Variants in RAB3GAP2 observed in about 807,000 individuals in gnomAD.
RAB3GAP2 encodes the protein rab3 GTPase-activating protein non-catalytic subunit.
In RAB3GAP2, 87 loss-of-function variants were observed where a neutral mutation model predicts 185.3. That is an observed-to-expected ratio of 0.47 (90% confidence interval 0.39 to 0.56). The LOEUF (loss-of-function observed/expected upper bound fraction) is 0.56. RAB3GAP2 is among the 20% of genes least tolerant of loss of function. The probability of loss-of-function intolerance (pLI) is 0.00; values close to 1 mark genes in which losing one functional copy is unlikely to be tolerated. For synonymous variants in RAB3GAP2, 554 were observed against 576.1 expected (o/e 0.96, Z 0.55); for missense variants, 1,492 against 1,638.2 (o/e 0.91, Z 1.54).
Position 220,193,240 on chromosome 1 carries a change from C to G in RAB3GAP2, c.1270G>C (p.Gly424Arg). The change falls in exon 13 of 35, where the codon GGG becomes CGG. Residue 424 changes from glycine (G) to arginine (R), a missense_variant and splice_region_variant. Gly to Arg is a moderately radical substitution (Grantham distance 125, BLOSUM62 -2). Transcript: ENST00000358951. ...ARGIAIRMWK[G>R]YRDAQIGWIQ... ...TTTTCTGGATTTTTGTAAGAAGTACCTTTCCACATGCGTATTGCAATTCCT... is the reference window on the plus strand; with the variant it reads ...TTTTCTGGATTTTTGTAAGAAGTACGTTTCCACATGCGTATTGCAATTCCT... 6.2e-7 allele frequency: 1 copy of G among 1,613,844 alleles called. No individual in the cohort carries two copies. The highest frequency in any genetic ancestry group is 8.5e-7 in the Non-Finnish European group (1 of 1,179,890).
Position 220,272,163 on chromosome 1 carries a change from C to G in RAB3GAP2, c.115+60G>C, listed in dbSNP as rs1487544797. On this transcript the variant is annotated intron_variant, in intron 1 of 34. Transcript: ENST00000358951. ...GCGCAGAGCGAGTAGGAGACTCGAA[C>G]CCGTGAGCAGAGGCCGCGGGTGACG... The G allele has an allele frequency of 5.6e-6, 8 of 1,419,932 alleles. No individual in the cohort carries two copies. The Admixed American group carries it at 1.6e-4, about 28-fold the overall frequency. The allele number at this position is 1,419,932 out of a possible 1,614,324, so 88.0% of individuals were successfully genotyped here. A position where few individuals can be genotyped will look rare whatever the true frequency, so the allele number is the denominator to read the frequency against.
In RAB3GAP2 at chr1:220,266,698, C is replaced by T. The variant is rs187728196; in HGVS notation, c.115+5525G>A. 684 of 1,562,676 alleles carry T rather than the reference C, an allele frequency of 4.4e-4. 2 individuals are homozygous for T. The African/African-American group carries it at 6.7e-3, about 15-fold the overall frequency. ...TGGCTCAAGGATTTCTCCCCCTGCA[C>T]GATTCCTAAGAATACTTGCTAGTTG... On this transcript the variant is annotated intron_variant, in intron 1 of 34. Coordinates refer to ENST00000358951, the MANE Select transcript of RAB3GAP2 (RefSeq NM_012414.4).
chr1:220,215,704 G>A (rs1019054722), intron 2 of RAB3GAP2, among the ~76,000 whole-genome samples: 12 of 151,974 alleles, frequency 7.9e-5, no homozygotes, highest in Non-Finnish European at 1.6e-4. Context: ...GTTTTTCCAT[G>A]TAGAAATTTT....
At chr1:220,259,796 T>C (rs541843028) in intron 1 of RAB3GAP2, among the ~76,000 whole-genome samples, 13 of 152,096 alleles carry the variant, frequency 8.5e-5, no homozygotes, top group Admixed American at 2.6e-4. Flanking sequence ...ATTGTCAGAG[T>C]GAACTGATAA....
chr1:220,209,717 T>C (rs979044770), intron 7 of RAB3GAP2, among the ~76,000 whole-genome samples: 4 of 152,172 alleles, frequency 2.6e-5, no homozygotes, highest in South Asian at 2.1e-4. Flanking sequence ...ATCTGTTCAC[T>C]TGAAATCTTT....
chr1:220,205,697 C>G (rs528094252), intron 8 of RAB3GAP2, among the ~76,000 whole-genome samples: 102 of 152,288 alleles, frequency 6.7e-4, no homozygotes, highest in African/African-American at 2.4e-3. Context: ...CCAAAGGCAA[C>G]GTGTGAAGAG....
chr1:220,163,524 G>A (rs1003298664), intron 27 of RAB3GAP2, among the ~76,000 whole-genome samples: 1 of 151,078 alleles, frequency 6.6e-6, no homozygotes, highest in East Asian at 2.0e-4. Flanking sequence ...CACCATGCCC[G>A]GCTAATTTTT....
intron 9 of RAB3GAP2, among the ~76,000 whole-genome samples, chr1:220,201,271 CT>C (rs1482008534): frequency 2.0e-5 from 3 of 151,856 alleles, no homozygotes; most frequent in African/African-American, 7.3e-5. Context: ...GTCTTGAACT[CT>C]TGGGCTCAAG....
intron 20 of RAB3GAP2, 121 bp from the exon 21 acceptor site, chr1:220,182,475 T>G: frequency 1.3e-6 from 2 of 1,511,926 alleles, no homozygotes; most frequent in Non-Finnish European, 1.8e-6. Context: ...GAGAAATTAA[T>G]TGTTCAATTT....
At chr1:220,242,143 C>G (rs1363937109) in intron 1 of RAB3GAP2, among the ~76,000 whole-genome samples, 1 of 152,034 alleles carries the variant, frequency 6.6e-6, no homozygotes, top group Admixed American at 6.6e-5. Flanking sequence ...CAGAGAAAGT[C>G]TGATAATAAT....
At chr1:220,271,298 T>C (rs1325282568) in intron 1 of RAB3GAP2, 5 of 152,084 alleles carry the variant, frequency 3.3e-5, no homozygotes, top group Non-Finnish European at 7.4e-5. Flanking sequence ...TAGCACAAAG[T>C]GAGAGCGCTG....
At chr1:220,205,801 T>G in intron 8 of RAB3GAP2, 106 bp downstream of exon 8, 2 of 849,458 alleles carry the variant, frequency 2.4e-6, no homozygotes, top group Non-Finnish European at 3.8e-6. Context: ...ATAAATCTAG[T>G]TCAGAAGGCC....
chr1:220,249,883 G>T (rs1404692789), intron 1 of RAB3GAP2, among the ~76,000 whole-genome samples: 1 of 152,214 alleles, frequency 6.6e-6, no homozygotes, highest in African/African-American at 2.4e-5. Context: ...AAGAACTGAG[G>T]TTGAGGAACC....
At chr1:220,167,022 T>C (rs1367297585) in intron 26 of RAB3GAP2, among the ~76,000 whole-genome samples, 2 of 152,206 alleles carry the variant, frequency 1.3e-5, no homozygotes, top group Non-Finnish European at 2.9e-5. Context: ...GACACTTACT[T>C]AGCTGTGTGT....
At chr1:220,232,542 A>G (rs1659520321) in intron 2 of RAB3GAP2, among the ~76,000 whole-genome samples, 1 of 152,222 alleles carries the variant, frequency 6.6e-6, no homozygotes, top group South Asian at 2.1e-4. Context: ...CTGTGAGCCA[A>G]TCAATTTCTG....
At chr1:220,267,191 C>T in intron 1 of RAB3GAP2, 1 of 979,076 alleles carries the variant, frequency 1.0e-6, no homozygotes, top group South Asian at 1.3e-5. Flanking sequence ...TAAGACAGGG[C>T]ACTTGCCAAT....
chr1:220,180,199 C>T (rs1658375355), intron 21 of RAB3GAP2, among the ~76,000 whole-genome samples: 1 of 151,718 alleles, frequency 6.6e-6, no homozygotes, highest in Admixed American at 6.6e-5. Context: ...GTAATAAACA[C>T]CTCAATAAAA....
rs587780427 is a variant in RAB3GAP2 at position 220,185,729 on chromosome 1, T to G, written c.1792A>C (p.Ile598Leu). ...PATKKQALES[I>L]LASERLPFSC... Reference sequence around the variant, plus strand: ...AATGGTAAACGTTCACTTGCCAAAATGCTTTCCAAAGCCTAGGAGAAAGAT... The same window carrying G: ...AATGGTAAACGTTCACTTGCCAAAAGGCTTTCCAAAGCCTAGGAGAAAGAT... The change falls in exon 18 of 35, where the codon ATT (isoleucine) becomes CTT (leucine). Residue 598 changes from isoleucine to leucine, a missense_variant. By Grantham distance (5) the Ile-to-Leu change is conservative. Coordinates refer to ENST00000358951, the MANE Select transcript of RAB3GAP2 (RefSeq NM_012414.4). The G allele has an allele frequency of 1.9e-6, 3 of 1,611,466 alleles. No individual in the cohort carries two copies. Among genetic ancestry groups the G allele is most frequent in the Non-Finnish European group, 1.7e-6 (2 of 1,178,090 alleles).
At chr1:220,157,581 T>C in intron 30 of RAB3GAP2, 93 bp from the exon 31 acceptor site, 1 of 1,279,114 alleles carries the variant, frequency 7.8e-7, no homozygotes, top group South Asian at 1.2e-5. Flanking sequence ...AAAGTGCAAA[T>C]TCATATTGCA....
Sources: gnomAD v4.1 joint callset for allele counts (sites outside exome capture counted in the v4.1 genomes callset) on GRCh38, gnomAD v4.1.1 for gene constraint, MANE v1.5 for transcripts, NCBI Gene and HGNC (gene_info 2026-07-23, HGNC 2026-07-21) for gene names.